SPAG16: variants seen among roughly 807,000 people sequenced by gnomAD.
SPAG16 encodes the protein sperm associated antigen 16.
A neutral mutation model predicts 80.4 loss-of-function variants in SPAG16; 86 were observed. The ratio of observed to expected loss-of-function variants is 1.07; its 90% CI spans 0.90 to 1.28. The LOEUF is 1.28. Ranked by LOEUF, SPAG16 falls within the 50% of genes most tolerant of loss-of-function variation. SPAG16 has a pLI of 0.00. For synonymous variants in SPAG16, 294 were observed against 265.9 expected, an observed-to-expected ratio of 1.11 and a Z score of -1.03; for missense variants, 870 against 765.3, an observed-to-expected ratio of 1.14 and a Z score of -1.61.
intron 15 of SPAG16, among the ~76,000 whole-genome samples, chr2:214,406,088 T>G (rs557813387): frequency 6.6e-6 from 1 of 152,242 alleles, no homozygotes; most frequent in African/African-American, 2.4e-5. Context: ...TAAGTACTGA[T>G]AAGTCAAGTT....
At chr2:214,153,212 A>G (rs1404359044) in intron 15 of SPAG16, among the ~76,000 whole-genome samples, 1 of 152,048 alleles carries the variant, frequency 6.6e-6, no homozygotes. Flanking sequence ...TGGCATCACT[A>G]CTAGACCAAG....
chr2:214,013,539 G>A (rs1212563067), intron 12 of SPAG16, among the ~76,000 whole-genome samples: 1 of 152,044 alleles, frequency 6.6e-6, no homozygotes, highest in African/African-American at 2.4e-5. Context: ...AGTGCCTCAG[G>A]TGATTCTAAT....
intron 14 of SPAG16, among the ~76,000 whole-genome samples, chr2:214,131,267 A>C (rs2054756132): frequency 6.6e-6 from 1 of 151,896 alleles, no homozygotes; most frequent in Non-Finnish European, 1.5e-5. Context: ...TGCTTCGGGA[A>C]GTTGAAGTGG....
chr2:213,674,234 G>A (rs939818211), intron 10 of SPAG16, among the ~76,000 whole-genome samples: 4 of 152,024 alleles, frequency 2.6e-5, no homozygotes, highest in African/African-American at 7.2e-5. Flanking sequence ...TAATTTTACA[G>A]TTTGTAATTT....
At chr2:214,238,460 T>G (rs1001864043) in intron 15 of SPAG16, 3 of 154,834 alleles carry the variant, frequency 1.9e-5, no homozygotes, top group African/African-American at 7.3e-5. Context: ...CTGTTACCTT[T>G]TCAATACAAG....
intron 15 of SPAG16, among the ~76,000 whole-genome samples, chr2:214,236,394 A>G (rs1230250768): frequency 6.6e-6 from 1 of 152,180 alleles, no homozygotes; most frequent in Non-Finnish European, 1.5e-5. Flanking sequence ...GGCTCACGCC[A>G]CACTCCCAAC....
intron 15 of SPAG16, among the ~76,000 whole-genome samples, chr2:214,365,319 CT>C (rs1262484353): frequency 6.6e-6 from 1 of 152,154 alleles, no homozygotes; most frequent in African/African-American, 2.4e-5. Flanking sequence ...TATTAAGTGA[CT>C]TGAAGAACTG....
At chr2:213,797,217 G>T (rs2071098568) in intron 10 of SPAG16, among the ~76,000 whole-genome samples, 1 of 152,006 alleles carries the variant, frequency 6.6e-6, no homozygotes, top group African/African-American at 2.4e-5. Context: ...GTAAGCTAAG[G>T]TTAATTTATC....
chr2:214,196,568 T>C (rs1180644425), intron 15 of SPAG16, among the ~76,000 whole-genome samples: 1 of 151,960 alleles, frequency 6.6e-6, no homozygotes, highest in East Asian at 1.9e-4. Flanking sequence ...AAATATACAC[T>C]ACAAACCAAG....
intron 9 of SPAG16, among the ~76,000 whole-genome samples, chr2:213,439,113 T>C (rs1604691): frequency 0.053 from 8,000 of 152,250 alleles, 684 homozygotes; most frequent in African/African-American, 0.18. Flanking sequence ...AGATCATGAA[T>C]AGAGAATCCA....
At chr2:213,748,463 G>GA (rs552530581) in intron 10 of SPAG16, among the ~76,000 whole-genome samples, 2 of 151,030 alleles carry the variant, frequency 1.3e-5, no homozygotes, top group Admixed American at 6.6e-5. Context: ...TTATTAAGTT[G>GA]AAAAAAAATG....
intron 9 of SPAG16, among the ~76,000 whole-genome samples, chr2:213,413,313 GAAGTATCAGGTTGCT>G (rs2069087529): frequency 6.6e-6 from 1 of 151,894 alleles, no homozygotes; most frequent in South Asian, 2.1e-4. Flanking sequence ...AAATTTTTTT[GAAGTATCAGGTTGCT>G]GAAATATTAG....
chr2:213,823,104 G>A (rs1394761425), intron 10 of SPAG16, among the ~76,000 whole-genome samples: 1 of 152,108 alleles, frequency 6.6e-6, no homozygotes, highest in African/African-American at 2.4e-5. Context: ...ATGGGTTGCT[G>A]GGTCAAATGG....
intron 13 of SPAG16, among the ~76,000 whole-genome samples, chr2:214,101,502 G>C (rs1179537512): frequency 6.6e-6 from 1 of 151,984 alleles, no homozygotes; most frequent in African/African-American, 2.4e-5. Flanking sequence ...GGAAGAGCCT[G>C]AGAGGAGTAT....
At chr2:213,330,800 A>G (rs926826653) in intron 5 of SPAG16, among the ~76,000 whole-genome samples, 2 of 152,162 alleles carry the variant, frequency 1.3e-5, no homozygotes, top group African/African-American at 4.8e-5. Context: ...GGAGGGACCC[A>G]GTGGGAGGTA....
chr2:213,738,975 G>A (rs1202215817), intron 10 of SPAG16, among the ~76,000 whole-genome samples: 1 of 152,150 alleles, frequency 6.6e-6, no homozygotes, highest in African/African-American at 2.4e-5. Context: ...TATGCATATA[G>A]GATAAACAGG....
chr2:214,020,147 A>T (rs1162759190), intron 13 of SPAG16, among the ~76,000 whole-genome samples: 4 of 152,258 alleles, frequency 2.6e-5, no homozygotes, highest in African/African-American at 9.6e-5. Context: ...AAGTTGCGCA[A>T]GAACAGCCCA....
At chr2:214,381,331 G>C (rs563557525) in intron 15 of SPAG16, among the ~76,000 whole-genome samples, 1 of 152,258 alleles carries the variant, frequency 6.6e-6, no homozygotes, top group African/African-American at 2.4e-5. Context: ...TTTCATTAAA[G>C]TAACTCTAAG....
chr2:213,833,513 A>ATATATATATTATATATAT (rs2073860615), intron 10 of SPAG16, among the ~76,000 whole-genome samples: 7 of 884 alleles, frequency 7.9e-3, no homozygotes, highest in African/African-American at 0.024. Context: ...ATTATATATA[A>ATATATATATTATATATAT]TATATATAAT....
Sources: allele counts gnomAD v4.1 joint callset (sites outside exome capture counted in the v4.1 genomes callset), GRCh38; gene constraint gnomAD v4.1.1; transcripts MANE v1.5; gene names NCBI Gene and HGNC (gene_info 2026-07-23, HGNC 2026-07-21).